The following TBX21 variants were observed in gnomAD, a reference collection of about 807,000 sequenced individuals.
TBX21 encodes the protein T-box transcription factor TBX21.
Under a neutral mutation model 52.2 loss-of-function variants are expected in TBX21, and 11 were observed. That is an observed-to-expected ratio of 0.21 (90% CI 0.13 to 0.35). TBX21 has a LOEUF of 0.35. TBX21 is among the 10% of genes least tolerant of loss of function. The pLI is 1.00. For missense variants in TBX21, 625 were observed against 755.1 expected (o/e 0.83, Z 2.02); for synonymous variants, 300 against 316.1 (o/e 0.95, Z 0.54).
chr17:47,742,814 C>T lies in TBX21; in HGVS notation c.646+50C>T, dbSNP rs1433462494. 2 of 1,519,456 alleles carry T rather than the reference C, an allele frequency of 1.3e-6. No individual in the cohort carries two copies. The highest frequency in any genetic ancestry group is 1.2e-5 in the South Asian group (1 of 81,774). The allele number at this position is 1,519,456 out of a possible 1,614,324, so 94.1% of individuals were successfully genotyped here. A position where few individuals can be genotyped will look rare whatever the true frequency, so the allele number is the denominator to read the frequency against. On this transcript the variant is annotated intron_variant, in intron 2 of 5. Coordinates refer to ENST00000177694, the MANE Select transcript of TBX21 (RefSeq NM_013351.2). This position sits in a 1 kb window ranked among gnomAD's most constrained non-coding sequence, Gnocchi z 4.4. ...GGCTCTGTTTCGCTGGGACTGGGCGCCCCCTGGTGGGCCCACCAAGCCCCT... is the reference window on the plus strand; with the variant it reads ...GGCTCTGTTTCGCTGGGACTGGGCGTCCCCTGGTGGGCCCACCAAGCCCCT...
intron 1 of TBX21, among the ~76,000 whole-genome samples, chr17:47,736,271 T>C (rs2032206040): frequency 1.3e-5 from 2 of 152,182 alleles, no homozygotes; most frequent in Admixed American, 6.5e-5. Flanking sequence ...TCAATATGGG[T>C]CCAATCTTGT....
In TBX21 at chr17:47,735,403, C is replaced by T. The variant is rs559977796; in HGVS notation, c.491+1458C>T. Among the ~76,000 whole-genome samples, 15 of 152,196 alleles carry T rather than the reference C, an allele frequency of 9.9e-5. No individual in the cohort carries two copies. The South Asian group carries it at 1.5e-3, about 15-fold the overall frequency. On this transcript the variant is annotated intron_variant, in intron 1 of 5. Coordinates refer to ENST00000177694, the MANE Select transcript of TBX21 (RefSeq NM_013351.2). ...AGCCTTCTGATAATTTCTCTCTGCT[C>T]CCCCCAACCCTAGTCACCCTTTGGG...
intron 2 of TBX21, 42 bp from the exon 3 acceptor site, chr17:47,743,029 C>A: frequency 6.2e-7 from 1 of 1,610,248 alleles, no homozygotes; most frequent in South Asian, 1.1e-5. Flanking sequence ...CACCAGGGTT[C>A]TGTCCCGGGG....
intron 1 of TBX21, among the ~76,000 whole-genome samples, chr17:47,736,144 T>A (rs1456440497): frequency 6.8e-6 from 1 of 147,464 alleles, no homozygotes; most frequent in Non-Finnish European, 1.5e-5. Flanking sequence ...ACTTGACAAG[T>A]TTTTTTGTCC....
chr17:47,738,339 T>G (rs967948477), intron 1 of TBX21, among the ~76,000 whole-genome samples: 7 of 152,132 alleles, frequency 4.6e-5, no homozygotes, highest in African/African-American at 1.4e-4. Context: ...TTCTATTTTT[T>G]GTAGAGATGG....
At position 47,739,487 on chromosome 17, in the gene TBX21, G is replaced by A. The variant is rs560131050; in HGVS notation, c.492-3123G>A. Among the ~76,000 whole-genome samples, 9 of 151,354 alleles carry A rather than the reference G, an allele frequency of 5.9e-5. No homozygotes were observed. The East Asian group carries it at 1.6e-3, about 26-fold the overall frequency. On this transcript the variant is annotated intron_variant, in intron 1 of 5. Transcript: ENST00000177694. Reference sequence around the variant, plus strand: ...AAAAAAAATCAGTATGGCCTGGCGCGGTGGCTCACCCCTGTAATCCCAGCA... The same window carrying A: ...AAAAAAAATCAGTATGGCCTGGCGCAGTGGCTCACCCCTGTAATCCCAGCA...
Position 47,745,411 on chromosome 17 carries a change from G to A in TBX21, c.*45G>A. The A allele has an allele frequency of 2.0e-6, 3 of 1,531,068 alleles. No homozygotes were observed. Among genetic ancestry groups the A allele is most frequent in the Non-Finnish European group, 2.6e-6 (3 of 1,142,322 alleles). 94.8% of individuals were successfully genotyped at this position (1,531,068 alleles called of 1,614,324 possible). A position where few individuals can be genotyped will look rare whatever the true frequency, so the allele number is the denominator to read the frequency against. On this transcript the variant is annotated 3_prime_UTR_variant, in exon 6 of 6. Transcript: ENST00000177694. The stretch of plus-strand genomic sequence containing the variant: ...GAACAGAAACAGTGTTATTAGGTTG[G>A]AGGACACCGACTAATTTGGGAAACG...
In TBX21 at chr17:47,733,265, C is replaced by T; in HGVS notation, c.-190C>T. The T allele has an allele frequency of 2.7e-6, 2 of 742,912 alleles. No individual in the cohort carries two copies. Among genetic ancestry groups the T allele is most frequent in the Non-Finnish European group, 2.0e-6 (1 of 509,114 alleles). 46.0% of individuals were successfully genotyped at this position (742,912 alleles called of 1,614,324 possible). A position where few individuals can be genotyped will look rare whatever the true frequency, so the allele number is the denominator to read the frequency against. ...ACAGCGGCCCGCTGGAGAGGAAGCCCGAGAGCTGCCGCGCGCCTGCCGGAC... is the reference window on the plus strand; with the variant it reads ...ACAGCGGCCCGCTGGAGAGGAAGCCTGAGAGCTGCCGCGCGCCTGCCGGAC... On this transcript the variant is annotated 5_prime_UTR_variant, in exon 1 of 6. Transcript: ENST00000177694. The surrounding 1 kb of genome is among the most constrained non-coding windows in gnomAD (Gnocchi z 6.6).
At position 47,733,267 on chromosome 17, in the gene TBX21, A is replaced by T; in HGVS notation, c.-188A>T. 1 of 754,664 alleles carries T rather than the reference A, an allele frequency of 1.3e-6. No homozygotes were observed. Among genetic ancestry groups the T allele is most frequent in the Non-Finnish European group, 1.9e-6 (1 of 519,908 alleles). 46.7% of individuals were successfully genotyped at this position (754,664 alleles called of 1,614,324 possible). On this transcript the variant is annotated 5_prime_UTR_variant, in exon 1 of 6. Coordinates refer to ENST00000177694, the MANE Select transcript of TBX21 (RefSeq NM_013351.2). This position sits in a 1 kb window ranked among gnomAD's most constrained non-coding sequence, Gnocchi z 6.6. ...AGCGGCCCGCTGGAGAGGAAGCCCG[A>T]GAGCTGCCGCGCGCCTGCCGGACGA...
At chr17:47,741,730 A>G (rs2032268415) in intron 1 of TBX21, among the ~76,000 whole-genome samples, 1 of 152,132 alleles carries the variant, frequency 6.6e-6, no homozygotes, top group African/African-American at 2.4e-5. Flanking sequence ...AGGACCTTCC[A>G]GGAACTGCCT....
intron 1 of TBX21, among the ~76,000 whole-genome samples, chr17:47,740,997 C>T (rs933151420): frequency 1.3e-5 from 2 of 152,158 alleles, no homozygotes; most frequent in African/African-American, 2.4e-5. Context: ...CAGGGCTTCT[C>T]ATGAGAGGAG....
Position 47,742,962 on chromosome 17 carries a change from T to G in TBX21, c.647-109T>G, listed in dbSNP as rs2032283372. ...GCTGAGTCCTCTGCCCTTCCCTGCC[T>G]GGTCCTCCCCCTGTGTCCTTCCTTA... is the stretch of plus-strand genomic sequence containing the variant. On this transcript the variant is annotated intron_variant, in intron 2 of 5. Transcript: ENST00000177694. This position sits in a 1 kb window ranked among gnomAD's most constrained non-coding sequence, Gnocchi z 4.4. 1.3e-6 allele frequency: 2 copies of G among 1,539,752 alleles called. No homozygotes were observed. Among genetic ancestry groups the G allele is most frequent in the Admixed American group, 3.9e-5 (2 of 50,832 alleles).
Position 47,744,957 on chromosome 17 carries a change from G to T in TBX21, c.1199G>T (p.Arg400Leu). 3 of 1,613,988 alleles carry T rather than the reference G, an allele frequency of 1.9e-6. No individual in the cohort carries two copies. The highest frequency in any genetic ancestry group is 2.5e-6 in the Non-Finnish European group (3 of 1,180,008). Reference sequence around the variant, plus strand: ...GACCACAGCTATGAGGCTGAGTTTCGAGCAGTCAGCATGAAGCCTGCATTC... The same window carrying T: ...GACCACAGCTATGAGGCTGAGTTTCTAGCAGTCAGCATGAAGCCTGCATTC... ...PRDHSYEAEFRAVSMKPAFLP... is the reference protein window; with the variant it reads ...PRDHSYEAEFLAVSMKPAFLP... Residue 400 changes from arginine to leucine, a missense_variant, in exon 6 of 6, where the codon CGA becomes CTA. Arg to Leu is a moderately radical substitution (Grantham distance 102). Transcript: ENST00000177694.
Position 47,733,567 on chromosome 17 carries a change from C to T in TBX21, c.113C>T (p.Pro38Leu), listed in dbSNP as rs530103182. 2 of 1,473,260 alleles carry T rather than the reference C, an allele frequency of 1.4e-6. No homozygotes were observed. The highest frequency in any genetic ancestry group is 2.2e-4 in the Middle Eastern group (1 of 4,470). 91.3% of individuals were successfully genotyped at this position (1,473,260 alleles called of 1,614,324 possible). A position where few individuals can be genotyped will look rare whatever the true frequency, so the allele number is the denominator to read the frequency against. Residue 38 changes from proline to leucine, a missense_variant, in exon 1 of 6, where the codon CCG becomes CTG. Physicochemically the swap from Pro to Leu is moderately conservative, Grantham distance 98. Coordinates refer to ENST00000177694, the MANE Select transcript of TBX21 (RefSeq NM_013351.2). This position sits in a 1 kb window ranked among gnomAD's most constrained non-coding sequence, Gnocchi z 6.6. ...GADPQHRYFY[P>L]EPGAQDADER... ...GACCCGCAGCACCGCTACTTCTACC[C>T]GGAGCCGGGCGCGCAGGACGCGGAC... is the stretch of plus-strand genomic sequence containing the variant.
At chr17:47,735,234 C>T (rs1001440754) in intron 1 of TBX21, among the ~76,000 whole-genome samples, 4 of 152,114 alleles carry the variant, frequency 2.6e-5, no homozygotes, top group Non-Finnish European at 4.4e-5. Context: ...ATTCTTCCCT[C>T]CAGATGATTT....
intron 3 of TBX21, among the ~76,000 whole-genome samples, chr17:47,743,943 T>A (rs2032297684): frequency 6.6e-6 from 1 of 151,654 alleles, no homozygotes; most frequent in Admixed American, 6.6e-5. Context: ...AAGCCCTGTT[T>A]GTGCTGATAC....
At chr17:47,744,057 A>G (rs1203861222) in intron 3 of TBX21, 138 bp from the exon 4 acceptor site, 4 of 1,115,260 alleles carry the variant, frequency 3.6e-6, no homozygotes, top group Non-Finnish European at 5.1e-6. Context: ...GGGAAGTTAC[A>G]TGGTGGCAGA....
rs1478193192 is a variant in TBX21 at position 47,745,589 on chromosome 17, GC to G, written c.*226del. On this transcript the variant is annotated 3_prime_UTR_variant, in exon 6 of 6. Transcript: ENST00000177694. ...GGGGTGTCCCCTTGCCCCATCCTCT[GC>G]CCTAACTACAGTCGTTTACCTGGTG... is the stretch of plus-strand genomic sequence containing the variant. The G allele has an allele frequency of 1.5e-5, 8 of 539,126 alleles. No individual in the cohort carries two copies. Among genetic ancestry groups the G allele is most frequent in the Non-Finnish European group, 2.5e-5 (8 of 318,546 alleles). The allele number at this position is 539,126 out of a possible 1,614,324, so 33.4% of individuals were successfully genotyped here. A position where few individuals can be genotyped will look rare whatever the true frequency, so the allele number is the denominator to read the frequency against.
rs540412579 is a variant in TBX21 at position 47,745,112 on chromosome 17, C to G, written c.1354C>G (p.Arg452Gly). The G allele has an allele frequency of 6.2e-7, 1 of 1,613,996 alleles. No individual in the cohort carries two copies. The highest frequency in any genetic ancestry group is 8.5e-7 in the Non-Finnish European group (1 of 1,180,008). Residue 452 changes from arginine to glycine, a missense_variant, in exon 6 of 6, where the codon CGG becomes GGG. Arg to Gly is a moderately radical substitution (Grantham distance 125, BLOSUM62 -2). Around this residue, in one of 4 missense-constraint regions of TBX21, gnomAD observed 261 missense variants for 275.1 expected, o/e 0.95. Coordinates refer to ENST00000177694, the MANE Select transcript of TBX21 (RefSeq NM_013351.2). The part of the protein sequence containing the change: ...MGPASWFRPM[R>G]TLPMEPGPGG... ...CCCGGCCAGCTGGTTCCGCCCTATG[C>G]GGACTCTGCCCATGGAACCCGGCCC... is the stretch of plus-strand genomic sequence containing the variant.
Sources: gnomAD v4.1 joint callset for allele counts (sites outside exome capture counted in the v4.1 genomes callset) on GRCh38, gnomAD v4.1.1 for gene constraint, gnomAD v4.1.1 regional missense constraint, Gnocchi (gnomAD v3.1) non-coding constraint, MANE v1.5 for transcripts, NCBI Gene and HGNC (gene_info 2026-07-23, HGNC 2026-07-21) for gene names.